Variants in NRG3 observed in about 807,000 individuals in gnomAD.
NRG3 encodes the protein pro-neuregulin-3, membrane-bound isoform.
In NRG3, 31 loss-of-function variants were observed where a neutral mutation model predicts 66.9. That is an observed-to-expected ratio of 0.46 (90% CI 0.35 to 0.63). The LOEUF (loss-of-function observed/expected upper bound fraction) is 0.63. Ranked by LOEUF, NRG3 falls within the 20% of genes least tolerant of loss-of-function variation. The pLI is 0.00. For synonymous variants in NRG3, 393 were observed against 359.4 expected (o/e 1.09, Z -1.06); for missense variants, 910 against 878.9 (o/e 1.04, Z -0.45).
Position 82,473,146 on chromosome 10 carries a change from C to G in NRG3, c.953+114278C>G, listed in dbSNP as rs558077822. Among the ~76,000 whole-genome samples the G allele has an allele frequency of 3.9e-5, 6 of 152,298 alleles. No individual in the cohort carries two copies. In the South Asian group the frequency reaches 1.2e-3, roughly 32 times the overall value. On this transcript the variant is annotated intron_variant, in intron 2 of 8. Coordinates refer to ENST00000372141, the MANE Select transcript of NRG3 (RefSeq NM_001010848.4). ...GTGATTGTACAGTCATGGTGCTAGA[C>G]AGTGTGATGTCTGTGCGCACCAGCT...
At chr10:82,858,302 T>A (rs995522847) in intron 3 of NRG3, among the ~76,000 whole-genome samples, 1 of 152,184 alleles carries the variant, frequency 6.6e-6, no homozygotes, top group South Asian at 2.1e-4. Flanking sequence ...TCTCCCCTCC[T>A]AATCAGAACT....
chr10:82,521,986 C>G (rs570126724), intron 2 of NRG3, among the ~76,000 whole-genome samples: 2 of 151,048 alleles, frequency 1.3e-5, no homozygotes, highest in South Asian at 4.2e-4. Context: ...CTACCCCTAA[C>G]TCTAGTTTTG....
intron 1 of NRG3, among the ~76,000 whole-genome samples, chr10:82,290,095 C>T (rs1340644914): frequency 6.6e-6 from 1 of 152,202 alleles, no homozygotes. Flanking sequence ...CTCACTGTTG[C>T]TGGCAGTGAC....
At chr10:81,929,393 G>A (rs1315467564) in intron 1 of NRG3, among the ~76,000 whole-genome samples, 1 of 152,136 alleles carries the variant, frequency 6.6e-6, no homozygotes, top group East Asian at 1.9e-4. Flanking sequence ...TATGAAAGAT[G>A]CAGTATGAAA....
intron 2 of NRG3, among the ~76,000 whole-genome samples, chr10:82,525,586 C>T (rs979694057): frequency 3.0e-4 from 46 of 151,824 alleles, no homozygotes; most frequent in African/African-American, 8.7e-4. Flanking sequence ...GTATCTTTAT[C>T]TTAAGCCCAA....
In NRG3 at chr10:82,539,882, T is replaced by A. The variant is rs568949319; in HGVS notation, c.953+181014T>A. 5.9e-5 allele frequency among the ~76,000 whole-genome samples: 9 copies of A among 152,278 alleles called. No individual in the cohort carries two copies. The East Asian group carries it at 1.7e-3, about 29-fold the overall frequency. ...CTCCTGCCCTCGTGATCCACCCACC[T>A]TGGCCTCGCAAAGTGCTGGGATTAC... On this transcript the variant is annotated intron_variant, in intron 2 of 8. Transcript: ENST00000372141.
chr10:82,718,537 GC>G (rs1373574399), intron 2 of NRG3, among the ~76,000 whole-genome samples: 1 of 152,138 alleles, frequency 6.6e-6, no homozygotes, highest in African/African-American at 2.4e-5. Context: ...GGTCAAAAAG[GC>G]CTAGACACAA....
intron 1 of NRG3, among the ~76,000 whole-genome samples, chr10:82,231,383 A>G (rs763071756): frequency 4.6e-5 from 7 of 152,110 alleles, no homozygotes; most frequent in Non-Finnish European, 1.0e-4. Flanking sequence ...ATCACATTGT[A>G]TTTAAAAGGT....
chr10:81,912,552 C>G (rs1050047017), intron 1 of NRG3, among the ~76,000 whole-genome samples: 1 of 152,186 alleles, frequency 6.6e-6, no homozygotes, highest in Non-Finnish European at 1.5e-5. Context: ...ATCGATTATT[C>G]TAAAACGGCT....
At chr10:82,004,500 A>T (rs1304197646) in intron 1 of NRG3, among the ~76,000 whole-genome samples, 2 of 152,136 alleles carry the variant, frequency 1.3e-5, no homozygotes, top group African/African-American at 4.8e-5. Flanking sequence ...TCATCAATCT[A>T]ACCGTAACTG....
At chr10:82,135,862 T>G (rs2069304822) in intron 1 of NRG3, among the ~76,000 whole-genome samples, 1 of 152,118 alleles carries the variant, frequency 6.6e-6, no homozygotes, top group Non-Finnish European at 1.5e-5. Flanking sequence ...GTTTGTTTTG[T>G]GAGGTCATCT....
At chr10:82,793,035 C>A (rs183565055) in intron 3 of NRG3, among the ~76,000 whole-genome samples, 206 of 151,948 alleles carry the variant, frequency 1.4e-3, no homozygotes, top group African/African-American at 4.7e-3. Flanking sequence ...TCTTCTCTCT[C>A]TTTTTTTATT....
chr10:82,497,497 C>A (rs1843727398), intron 2 of NRG3, among the ~76,000 whole-genome samples: 1 of 152,054 alleles, frequency 6.6e-6, no homozygotes. Flanking sequence ...TTATTTCACT[C>A]AGCATAATGT....
rs192079259 is a variant in NRG3, at chr10:82,036,733, A to G, written c.823+160570A>G. Among the ~76,000 whole-genome samples, 346 of 152,194 alleles carry G rather than the reference A, an allele frequency of 2.3e-3. 1 individual carries two copies. Among genetic ancestry groups the G allele is most frequent in the African/African-American group, 8.1e-3 (337 of 41,552 alleles). ...GTAACTTGCATGACTGAAACTCTAT[A>G]CCCATTGAATAGAAACTCTCCATAG... On this transcript the variant is annotated intron_variant, in intron 1 of 8. Transcript: ENST00000372141.
At chr10:82,560,197 T>C (rs1432325758) in intron 2 of NRG3, among the ~76,000 whole-genome samples, 1 of 151,788 alleles carries the variant, frequency 6.6e-6, no homozygotes, top group East Asian at 1.9e-4. Flanking sequence ...TGTTACATAT[T>C]AACTTTTAAC....
chr10:82,939,552 C>T (rs1848401584), intron 4 of NRG3, among the ~76,000 whole-genome samples: 1 of 151,966 alleles, frequency 6.6e-6, no homozygotes, highest in Non-Finnish European at 1.5e-5. Context: ...TCACTGCAAG[C>T]TCCGCCTCCC....
chr10:82,306,014 A>T (rs1467191527), intron 1 of NRG3, among the ~76,000 whole-genome samples: 1 of 152,204 alleles, frequency 6.6e-6, no homozygotes, highest in Non-Finnish European at 1.5e-5. Flanking sequence ...GCTAGTATCC[A>T]TCTGTTACTG....
At chr10:82,319,762 C>G (rs2081470793) in intron 1 of NRG3, among the ~76,000 whole-genome samples, 1 of 152,174 alleles carries the variant, frequency 6.6e-6, no homozygotes, top group Admixed American at 6.5e-5. Context: ...CCTGCAGCTG[C>G]CCAGAGTGGG....
intron 3 of NRG3, among the ~76,000 whole-genome samples, chr10:82,757,682 T>C (rs1448975893): frequency 2.0e-5 from 3 of 152,120 alleles, no homozygotes; most frequent in Non-Finnish European, 4.4e-5. Context: ...AAGGAGATGA[T>C]GCTCTGTATA....
Sources: gnomAD v4.1 joint callset for allele counts (sites outside exome capture counted in the v4.1 genomes callset) on GRCh38, gnomAD v4.1.1 for gene constraint, MANE v1.5 for transcripts, NCBI Gene and HGNC (gene_info 2026-07-23, HGNC 2026-07-21) for gene names.